Variants in FLYWCH1 observed in about 807,000 individuals in gnomAD.
FLYWCH1 encodes the protein FLYWCH-type zinc finger-containing protein 1.
In FLYWCH1, 75 loss-of-function variants were observed where a neutral mutation model predicts 66.4. That is an observed-to-expected ratio of 1.13 (90% confidence interval 0.94 to 1.37). The LOEUF is 1.37. Among genes scored for constraint, FLYWCH1 ranks in the 40% most tolerant of loss-of-function variants. FLYWCH1 has a pLI of 0.00. For synonymous variants in FLYWCH1, 595 were observed against 429.9 expected, an observed-to-expected ratio of 1.38 and a Z score of -4.75; for missense variants, 1,334 against 1,001.8, an observed-to-expected ratio of 1.33 and a Z score of -4.48.
chr16:2,926,679 A>T (rs2070578439), intron 2 of FLYWCH1, among the ~76,000 whole-genome samples: 3 of 152,256 alleles, frequency 2.0e-5, no homozygotes, highest in Admixed American at 2.0e-4. Context: ...AATCTATTAC[A>T]GATGATAACA....
chr16:2,917,171 TA>T (rs1015711695), intron 2 of FLYWCH1, among the ~76,000 whole-genome samples: 12 of 147,736 alleles, frequency 8.1e-5, no homozygotes, highest in Non-Finnish European at 1.6e-4. Flanking sequence ...TAAAAAAAAG[TA>T]AAAAAAATTT....
At chr16:2,913,643 G>T (rs189452075) in intron 1 of FLYWCH1, among the ~76,000 whole-genome samples, 14 of 152,246 alleles carry the variant, frequency 9.2e-5, no homozygotes, top group Admixed American at 5.9e-4. Context: ...AAATGCCAAC[G>T]GTGCTGAGAT....
In FLYWCH1 at chr16:2,938,417, C is replaced by A; in HGVS notation, c.2011C>A (p.Arg671=). The A allele has an allele frequency of 6.5e-7, 1 of 1,536,640 alleles. No individual in the cohort carries two copies. The highest frequency in any genetic ancestry group is 8.8e-7 in the Non-Finnish European group (1 of 1,141,376). The part of the protein sequence containing the change: ...DLAGLEALRQ[R]ERLPTTAQQE... ...GGCAGGCCTGGAGGCCTTGAGGCAACGGGAGCGGCTCCCCACCACGGCCCA... is the reference window on the plus strand; with the variant it reads ...GGCAGGCCTGGAGGCCTTGAGGCAAAGGGAGCGGCTCCCCACCACGGCCCA... The change falls in exon 8 of 10, where the codon CGG becomes AGG. Residue 671 remains arginine, a synonymous_variant. Transcript: ENST00000253928.
Position 2,916,915 on chromosome 16 carries a change from G to C in FLYWCH1, c.-74+2626G>C, listed in dbSNP as rs187348054. Among the ~76,000 whole-genome samples the C allele has an allele frequency of 2.7e-3, 417 of 151,640 alleles. 6 individuals carry two copies. The South Asian group carries it at 0.045, about 16-fold the overall frequency. On this transcript the variant is annotated intron_variant, in intron 2 of 9. Coordinates refer to ENST00000253928, the MANE Select transcript of FLYWCH1 (RefSeq NM_001308068.2). ...ATCCCAGCTCTTTGGGAGGCCGAGG[G>C]GGGTGGATCATGAGGTCAGGAGTTC...
In FLYWCH1 at chr16:2,947,824, G is replaced by T. The variant is rs548402495; in HGVS notation, c.2112-864G>T. Among the ~76,000 whole-genome samples the T allele has an allele frequency of 3.3e-5, 5 of 151,212 alleles. No individual in the cohort carries two copies. The East Asian group carries it at 7.8e-4, about 23-fold the overall frequency. On this transcript the variant is annotated intron_variant, in intron 9 of 9. Transcript: ENST00000253928. Reference sequence around the variant, plus strand: ...AACAGAACCTGATCACATGAGTTCAGGAGTTCGAGACCAGCTTGAGCAACA... The same window carrying T: ...AACAGAACCTGATCACATGAGTTCATGAGTTCGAGACCAGCTTGAGCAACA...
In FLYWCH1 at chr16:2,933,825, G is replaced by T; in HGVS notation, c.1359G>T (p.Arg453=). The T allele has an allele frequency of 6.2e-7, 1 of 1,609,234 alleles. No individual in the cohort carries two copies. Among genetic ancestry groups the T allele is most frequent in the Non-Finnish European group, 8.5e-7 (1 of 1,178,238 alleles). ...GGGAGAAGGTGTATTGGACCTGCCG[G>T]GACCAGGCCCGCATGGGCTGCCGCA... The part of the protein sequence containing the change: ...AAGEKVYWTC[R]DQARMGCRSR... Residue 453 remains arginine (R), a synonymous_variant, in exon 6 of 10, where the codon CGG becomes CGT. Coordinates refer to ENST00000253928, the MANE Select transcript of FLYWCH1 (RefSeq NM_001308068.2).
At chr16:2,912,770 C>T (rs2070035098) in intron 1 of FLYWCH1, among the ~76,000 whole-genome samples, 1 of 152,212 alleles carries the variant, frequency 6.6e-6, no homozygotes. Flanking sequence ...GGAGCCTGCA[C>T]ATAACGGGTC....
At position 2,914,160 on chromosome 16, in the gene FLYWCH1, T is replaced by G. The variant is rs572481108; in HGVS notation, c.-187-16T>G. On this transcript the variant is annotated splice_polypyrimidine_tract_variant and intron_variant, in intron 1 of 9. Coordinates refer to ENST00000253928, the MANE Select transcript of FLYWCH1 (RefSeq NM_001308068.2). Reference sequence around the variant, plus strand: ...TCACCTGCAGTATTTCATTTGCCACTTTACTTTCTTCACAGGTGAAACCAG... The same window carrying G: ...TCACCTGCAGTATTTCATTTGCCACGTTACTTTCTTCACAGGTGAAACCAG... 1 of 152,380 alleles carries G rather than the reference T, an allele frequency of 6.6e-6. No individual in the cohort carries two copies. The highest frequency in any genetic ancestry group is 2.1e-4 in the South Asian group (1 of 4,834). 9.4% of individuals were successfully genotyped at this position (152,380 alleles called of 1,614,324 possible).
intron 2 of FLYWCH1, chr16:2,915,154 TCCTGAGACAGTCTCA>T (rs2070126259): frequency 6.7e-6 from 1 of 150,064 alleles, no homozygotes; most frequent in Non-Finnish European, 1.5e-5. Flanking sequence ...TTTTTTTTTT[TCCTGAGACAGTCTCA>T]TTTTGTTGCC....
Position 2,930,739 on chromosome 16 carries a change from G to C in FLYWCH1, c.655G>C (p.Val219Leu). The C allele has an allele frequency of 3.9e-6, 6 of 1,555,870 alleles. No individual in the cohort carries two copies. Among genetic ancestry groups the C allele is most frequent in the Non-Finnish European group, 5.2e-6 (6 of 1,155,202 alleles). ...GGRVEEPLEG[V>L]GPWQCPEEPE... ...CCGAGTGGAGGAGCCCCTGGAGGGG[G>C]TGGGCCCGTGGCAGTGCCCTGAGGA... The change falls in exon 4 of 10, where the codon GTG becomes CTG. Residue 219 changes from valine (V) to leucine (L), a missense_variant. Coordinates refer to ENST00000253928, the MANE Select transcript of FLYWCH1 (RefSeq NM_001308068.2).
At chr16:2,918,478 T>C (rs1260606013) in intron 2 of FLYWCH1, among the ~76,000 whole-genome samples, 1 of 150,408 alleles carries the variant, frequency 6.6e-6, no homozygotes, top group African/African-American at 2.5e-5. Context: ...TTTGCTCTTG[T>C]TGCCCAGGCT....
intron 2 of FLYWCH1, among the ~76,000 whole-genome samples, chr16:2,924,190 C>G (rs899991784): frequency 1.3e-5 from 2 of 151,988 alleles, no homozygotes; most frequent in Non-Finnish European, 2.9e-5. Flanking sequence ...ATTAGCCGGG[C>G]GTGGTGGCGG....
chr16:2,944,914 A>G (rs980089223), intron 9 of FLYWCH1, among the ~76,000 whole-genome samples: 2 of 152,174 alleles, frequency 1.3e-5, no homozygotes, highest in African/African-American at 2.4e-5. Context: ...CACTGTCGTC[A>G]TAGGAGATGA....
chr16:2,932,672 T>A (rs2070809041), intron 4 of FLYWCH1, among the ~76,000 whole-genome samples: 1 of 152,176 alleles, frequency 6.6e-6, no homozygotes, highest in African/African-American at 2.4e-5. Flanking sequence ...GAATGTATTA[T>A]ACCTTGTGTG....
intron 2 of FLYWCH1, among the ~76,000 whole-genome samples, 153 bp downstream of exon 2, chr16:2,914,442 A>T (rs2070098405): frequency 1.3e-5 from 2 of 152,358 alleles, no homozygotes; most frequent in South Asian, 4.1e-4. Context: ...CACCAGCAGG[A>T]CCGCAGCGTC....
chr16:2,937,465 G>C, intron 7 of FLYWCH1, 81 bp downstream of exon 7: 2 of 1,422,590 alleles, frequency 1.4e-6, no homozygotes, highest in East Asian at 4.9e-5. Context: ...GCTGCCCGTG[G>C]GGTGTTGTGT....
chr16:2,918,710 G>A (rs2070262445), intron 2 of FLYWCH1, among the ~76,000 whole-genome samples: 1 of 152,140 alleles, frequency 6.6e-6, no homozygotes, highest in Admixed American at 6.6e-5. Flanking sequence ...CAAAGTGCTG[G>A]GATTAGAGGC....
At chr16:2,938,532 C>G in intron 8 of FLYWCH1, 76 bp downstream of exon 8, 1 of 1,399,028 alleles carries the variant, frequency 7.1e-7, no homozygotes, top group Admixed American at 2.6e-5. Context: ...ATGCCCCAGG[C>G]CAGGCACCCA....
chr16:2,936,837 G>A (rs1378279096), intron 6 of FLYWCH1: 17 of 615,452 alleles, frequency 2.8e-5, no homozygotes, highest in African/African-American at 7.2e-5. Flanking sequence ...GGGGACGGAC[G>A]AGTGACGCAG....
Sources: allele counts gnomAD v4.1 joint callset (sites outside exome capture counted in the v4.1 genomes callset), GRCh38; gene constraint gnomAD v4.1.1; transcripts MANE v1.5; gene names NCBI Gene and HGNC (gene_info 2026-07-23, HGNC 2026-07-21).